Variants in PLEKHD1 observed in about 807,000 individuals in gnomAD.
The protein encoded by PLEKHD1 is pleckstrin homology domain-containing family D member 1.
Under a neutral mutation model 69.2 loss-of-function variants are expected in PLEKHD1, and 51 were observed. That is an observed-to-expected ratio of 0.74 (90% CI 0.59 to 0.93). PLEKHD1 has a LOEUF of 0.93. Among genes scored for constraint, PLEKHD1 ranks in the 40% least tolerant of loss-of-function variants. The pLI is 0.00. For synonymous variants in PLEKHD1, 236 were observed against 244.7 expected, an observed-to-expected ratio of 0.96 and a Z score of 0.33; for missense variants, 584 against 641.0, an observed-to-expected ratio of 0.91 and a Z score of 0.96.
the PLEKHD1 span, among the ~76,000 whole-genome samples, chr14:69,473,476 C>T: frequency 6.6e-6 from 1 of 152,096 alleles, no homozygotes. Flanking sequence ...TCAGAAAGGG[C>T]ATGGAACTGA....
At chr14:69,504,217 C>G (rs905015822) in intron 6 of PLEKHD1, among the ~76,000 whole-genome samples, 1 of 152,180 alleles carries the variant, frequency 6.6e-6, no homozygotes, top group African/African-American at 2.4e-5. Flanking sequence ...AATATAGGCC[C>G]ATGCTGCAAG....
Position 69,528,740 on chromosome 14 carries a change from G to T in PLEKHD1, c.*321G>T. 2.9e-6 allele frequency: 1 copy of T among 349,756 alleles called. No homozygotes were observed. The highest frequency in any genetic ancestry group is 5.3e-6 in the Non-Finnish European group (1 of 187,564). 21.7% of individuals were successfully genotyped at this position (349,756 alleles called of 1,614,324 possible). A position where few individuals can be genotyped will look rare whatever the true frequency, so the allele number is the denominator to read the frequency against. On this transcript the variant is annotated 3_prime_UTR_variant, in exon 13 of 13. Transcript: ENST00000322564. Reference sequence around the variant, plus strand: ...TGTCGGTTAGGGAGTGGGGTGGGGAGGTGCTGTCTACCACTGTGCCATCAG... The same window carrying T: ...TGTCGGTTAGGGAGTGGGGTGGGGATGTGCTGTCTACCACTGTGCCATCAG...
At chr14:69,516,557 TGTATG>T (rs1393528951) in intron 6 of PLEKHD1, among the ~76,000 whole-genome samples, 1 of 152,200 alleles carries the variant, frequency 6.6e-6, no homozygotes, top group Non-Finnish European at 1.5e-5. Flanking sequence ...ACTGATTCAT[TGTATG>T]TGATGTTTTA....
In PLEKHD1 at chr14:69,524,193, G is replaced by T. The variant is rs533001217; in HGVS notation, c.651-36G>T. The stretch of plus-strand genomic sequence containing the variant: ...AGGTGATTGGTGGGGGGTGGGGAGA[G>T]TGGGCACTGCCATACCCAGCCCTCT... On this transcript the variant is annotated intron_variant, in intron 7 of 12. Transcript: ENST00000322564. 180 of 1,479,592 alleles carry T rather than the reference G, an allele frequency of 1.2e-4. 2 individuals are homozygous for T. In the South Asian group the frequency reaches 2.0e-3, roughly 17 times the overall value. 91.7% of individuals were successfully genotyped at this position (1,479,592 alleles called of 1,614,324 possible).
At chr14:69,527,416 A>G in intron 11 of PLEKHD1, 84 bp downstream of exon 11, 1 of 1,524,866 alleles carries the variant, frequency 6.6e-7, no homozygotes, top group Non-Finnish European at 8.9e-7. Context: ...CAGGAAACCC[A>G]CACAGGGTCT....
intron 6 of PLEKHD1, among the ~76,000 whole-genome samples, chr14:69,513,132 C>A (rs1883306820): frequency 6.6e-6 from 1 of 151,504 alleles, no homozygotes; most frequent in Admixed American, 6.6e-5. Flanking sequence ...GGCGGGAGAA[C>A]CACTTGAACC....
chr14:69,498,759 T>C (rs1195799829), intron 1 of PLEKHD1, among the ~76,000 whole-genome samples: 2 of 152,080 alleles, frequency 1.3e-5, no homozygotes, highest in Admixed American at 1.3e-4. Context: ...GTGATTCTCA[T>C]GCCTCAGCCT....
At chr14:69,515,124 G>A (rs1049849595) in intron 6 of PLEKHD1, among the ~76,000 whole-genome samples, 1 of 152,166 alleles carries the variant, frequency 6.6e-6, no homozygotes, top group Non-Finnish European at 1.5e-5. Context: ...CTTGAACCCG[G>A]GAGGCAGAGG....
At chr14:69,498,178 A>G (rs929237466) in intron 1 of PLEKHD1, among the ~76,000 whole-genome samples, 2 of 151,340 alleles carry the variant, frequency 1.3e-5, no homozygotes, top group African/African-American at 4.9e-5. Flanking sequence ...TCCTGGGTTC[A>G]AGCGATTCTC....
intron 8 of PLEKHD1, among the ~76,000 whole-genome samples, chr14:69,524,779 C>G (rs1037997398): frequency 6.6e-6 from 1 of 152,042 alleles, no homozygotes; most frequent in African/African-American, 2.4e-5. Flanking sequence ...AGGTGACAAG[C>G]CTCAAGGACA....
chr14:69,511,117 C>T (rs534453036), intron 6 of PLEKHD1, among the ~76,000 whole-genome samples: 2 of 152,104 alleles, frequency 1.3e-5, no homozygotes, highest in Admixed American at 6.6e-5. Context: ...ATGTATTATT[C>T]GTTTGGATTT....
intron 8 of PLEKHD1, among the ~76,000 whole-genome samples, chr14:69,525,333 G>A (rs935592055): frequency 2.4e-4 from 36 of 152,172 alleles, no homozygotes; most frequent in African/African-American, 8.4e-4. Flanking sequence ...TGGAGCCTTG[G>A]AGCTTGTGGG....
the PLEKHD1 span, among the ~76,000 whole-genome samples, chr14:69,472,295 C>T: frequency 1.3e-5 from 2 of 152,228 alleles, no homozygotes; most frequent in African/African-American, 4.8e-5. Context: ...GCTGCATCCT[C>T]CCGTATACTG....
chr14:69,502,671 C>G (rs1335681906), intron 5 of PLEKHD1, 156 bp from the exon 6 acceptor site: 7 of 821,114 alleles, frequency 8.5e-6, no homozygotes, highest in Non-Finnish European at 1.3e-5. Flanking sequence ...CTTCCATCAC[C>G]AGGAGCTGGC....
At chr14:69,483,260 G>A (rs1882579256), upstream of PLEKHD1, among the ~76,000 whole-genome samples, 1 of 151,986 alleles carries the variant, frequency 6.6e-6, no homozygotes, top group South Asian at 2.1e-4. Flanking sequence ...AAGAGTACCA[G>A]GGTGATGATT....
chr14:69,475,902 C>T, the PLEKHD1 span, among the ~76,000 whole-genome samples: 3 of 152,148 alleles, frequency 2.0e-5, no homozygotes, highest in African/African-American at 7.2e-5. Context: ...CCATCGTGGC[C>T]TTAGGAAATA....
Position 69,527,800 on chromosome 14 carries a change from A to C in PLEKHD1, c.1219A>C (p.Ile407Leu). 2 of 1,551,508 alleles carry C rather than the reference A, an allele frequency of 1.3e-6. No homozygotes were observed. Among genetic ancestry groups the C allele is most frequent in the Non-Finnish European group, 1.7e-6 (2 of 1,146,996 alleles). Residue 407 changes from isoleucine to leucine, a missense_variant, in exon 12 of 13, where the codon ATC becomes CTC. By Grantham distance (5) the Ile-to-Leu change is conservative. Coordinates refer to ENST00000322564, the MANE Select transcript of PLEKHD1 (RefSeq NM_001161498.2). ...SHLKRFFEEC[I>L]RNAELEAKMP... ...CGCCACAGGGTTCTTTGAGGAGTGC[A>C]TCCGGAATGCCGAGCTGGAGGCCAA...
intron 1 of PLEKHD1, among the ~76,000 whole-genome samples, chr14:69,485,943 T>C (rs1361711788): frequency 3.9e-5 from 6 of 151,942 alleles, no homozygotes; most frequent in Non-Finnish European, 8.8e-5. Context: ...GCCTGGGAGG[T>C]ATTGAGGGAA....
intron 6 of PLEKHD1, among the ~76,000 whole-genome samples, chr14:69,516,530 A>G (rs997937146): frequency 6.6e-5 from 10 of 152,282 alleles, no homozygotes; most frequent in African/African-American, 2.2e-4. Context: ...TGAAAACATC[A>G]ATTTTAATGG....
Sources: gnomAD v4.1 joint callset for allele counts (sites outside exome capture counted in the v4.1 genomes callset) on GRCh38, gnomAD v4.1.1 for gene constraint, MANE v1.5 for transcripts, NCBI Gene and HGNC (gene_info 2026-07-23, HGNC 2026-07-21) for gene names.